The following TRIM26 variants were observed in gnomAD, a reference collection of about 807,000 sequenced individuals.
The protein encoded by TRIM26 is tripartite motif containing 26.
In TRIM26, 16 loss-of-function variants were observed where a neutral mutation model predicts 45.5. The ratio of observed to expected loss-of-function variants is 0.35; its 90% CI spans 0.24 to 0.53. The LOEUF (loss-of-function observed/expected upper bound fraction) is 0.53. Ranked by LOEUF, TRIM26 falls within the 20% of genes least tolerant of loss-of-function variation. TRIM26 has a pLI of 0.92. For missense variants in TRIM26, 442 were observed against 691.1 expected, an observed-to-expected ratio of 0.64 and a Z score of 4.04; for synonymous variants, 273 against 290.4, an observed-to-expected ratio of 0.94 and a Z score of 0.61.
chr6:30,195,650 T>C (rs2127501629), intron 6 of TRIM26, among the ~76,000 whole-genome samples: 1 of 152,234 alleles, frequency 6.6e-6, no homozygotes, highest in Middle Eastern at 3.4e-3. Context: ...TTGCTATCTC[T>C]CCCTCCTAGC....
intron 3 of TRIM26, among the ~76,000 whole-genome samples, chr6:30,200,028 TG>T (rs952576315): frequency 2.0e-4 from 31 of 152,238 alleles, no homozygotes; most frequent in African/African-American, 7.2e-4. Flanking sequence ...TCCAACACTT[TG>T]GGTGGCTGAG....
At position 30,193,963 on chromosome 6, in the gene TRIM26, G is replaced by A. The variant is rs376264032; in HGVS notation, c.765+2553C>T. 3.0e-4 allele frequency among the ~76,000 whole-genome samples: 45 copies of A among 152,146 alleles called. 5 individuals carry two copies. The highest frequency in any genetic ancestry group is 2.5e-3 in the East Asian group (13 of 5,186). On this transcript the variant is annotated intron_variant, in intron 6 of 9. Transcript: ENST00000454678. Reference sequence around the variant, plus strand: ...ACTGAATTTGTTTATTAGTTCTAAGGGTTTTTTGGTGGGGCCTTTAGGTTT... The same window carrying A: ...ACTGAATTTGTTTATTAGTTCTAAGAGTTTTTTGGTGGGGCCTTTAGGTTT...
intron 9 of TRIM26, chr6:30,187,135 C>T (rs1775275426): frequency 1.0e-5 from 3 of 287,518 alleles, no homozygotes; most frequent in Non-Finnish European, 2.1e-5. Context: ...GGACTCTACC[C>T]CAATTACTGC....
chr6:30,196,508 C>T lies in TRIM26; in HGVS notation c.765+8G>A, dbSNP rs766210795. On this transcript the variant is annotated splice_region_variant and intron_variant, in intron 6 of 9. Coordinates refer to ENST00000454678, the MANE Select transcript of TRIM26 (RefSeq NM_003449.5). This position sits in a 1 kb window ranked among gnomAD's most constrained non-coding sequence, Gnocchi z 4.9. ...TCCCTGGCGCCCTGCCCAGGGACGGCCTCTCACCTGCATGAGCTCTGCAGC... is the reference window on the plus strand; with the variant it reads ...TCCCTGGCGCCCTGCCCAGGGACGGTCTCTCACCTGCATGAGCTCTGCAGC... The T allele has an allele frequency of 1.2e-6, 2 of 1,604,730 alleles. No homozygotes were observed. The highest frequency in any genetic ancestry group is 8.5e-7 in the Non-Finnish European group (1 of 1,179,438).
chr6:30,188,350 A>G, intron 9 of TRIM26: 1 of 474,668 alleles, frequency 2.1e-6, no homozygotes, highest in Non-Finnish European at 3.8e-6. Context: ...TTCAGTTTCA[A>G]AACTACCAGC....
intron 6 of TRIM26, among the ~76,000 whole-genome samples, chr6:30,193,475 T>C (rs1776161545): frequency 6.6e-6 from 1 of 151,956 alleles, no homozygotes; most frequent in South Asian, 2.1e-4. Flanking sequence ...CCACCACAAC[T>C]GGCTGTAGTA....
Position 30,186,594 on chromosome 6 carries a change from A to G in TRIM26, c.938-36T>C. ...AAGGGAAAAAAAAAAAAACAGCATC[A>G]CTGTTTTGTTTTGTTTTTTAAGTCA... On this transcript the variant is annotated intron_variant, in intron 9 of 9. Transcript: ENST00000454678. The surrounding 1 kb of genome is among the most constrained non-coding windows in gnomAD (Gnocchi z 7.4). The G allele has an allele frequency of 6.7e-7, 1 of 1,490,350 alleles. No homozygotes were observed. The highest frequency in any genetic ancestry group is 1.4e-5 in the South Asian group (1 of 69,786). The allele number at this position is 1,490,350 out of a possible 1,614,324, so 92.3% of individuals were successfully genotyped here. A position where few individuals can be genotyped will look rare whatever the true frequency, so the allele number is the denominator to read the frequency against.
At chr6:30,212,683 T>C (rs971157068) in intron 1 of TRIM26, among the ~76,000 whole-genome samples, 2 of 152,108 alleles carry the variant, frequency 1.3e-5, no homozygotes, top group Non-Finnish European at 2.9e-5. Flanking sequence ...GGTTAAGGCA[T>C]GCATAAACGA....
intron 1 of TRIM26, among the ~76,000 whole-genome samples, chr6:30,211,116 C>T (rs570080501): frequency 6.6e-6 from 1 of 152,232 alleles, no homozygotes; most frequent in Non-Finnish European, 1.5e-5. Flanking sequence ...CCTCTAATTC[C>T]AGAGCCCTGC....
chr6:30,185,611 A>G lies in TRIM26; in HGVS notation c.*265T>C. 1 of 522,102 alleles carries G rather than the reference A, an allele frequency of 1.9e-6. No homozygotes were observed. Among genetic ancestry groups the G allele is most frequent in the East Asian group, 3.1e-5 (1 of 32,172 alleles). The allele number at this position is 522,102 out of a possible 1,614,324, so 32.3% of individuals were successfully genotyped here. ...GGGGCCAAGGTCGTGGTCAAAAAGG[A>G]AAGGAGCCCTCATGGACTCCAGGGT... On this transcript the variant is annotated 3_prime_UTR_variant, in exon 10 of 10. Transcript: ENST00000454678. This position sits in a 1 kb window ranked among gnomAD's most constrained non-coding sequence, Gnocchi z 5.7.
intron 1 of TRIM26, 41 bp from the exon 2 acceptor site, chr6:30,204,806 A>C (rs1354266323): frequency 1.3e-5 from 2 of 148,970 alleles, no homozygotes; most frequent in Non-Finnish European, 3.0e-5. Flanking sequence ...AAAAAAAAAA[A>C]CCTCAGAGAT....
Position 30,196,145 on chromosome 6 carries a change from A to G in TRIM26, c.765+371T>C, listed in dbSNP as rs377207865. 5.9e-5 allele frequency among the ~76,000 whole-genome samples: 9 copies of G among 152,154 alleles called. No individual in the cohort carries two copies. In the East Asian group the frequency reaches 7.7e-4, roughly 13 times the overall value. ...AGCCCTCCCTCAGCCACCCCCAACC[A>G]CAACACCATAAAAAGCTTCCACCAG... is the stretch of plus-strand genomic sequence containing the variant. On this transcript the variant is annotated intron_variant, in intron 6 of 9. Coordinates refer to ENST00000454678, the MANE Select transcript of TRIM26 (RefSeq NM_003449.5). The surrounding 1 kb of genome is among the most constrained non-coding windows in gnomAD (Gnocchi z 4.9).
Position 30,185,624 on chromosome 6 carries a change from T to TGGACTCCA in TRIM26, c.*244_*251dup. Reference sequence around the variant, plus strand: ...TGGTCAAAAAGGAAAGGAGCCCTCATGGACTCCAGGGTCAGAAGTTCCCTC... The same window carrying TGGACTCCA: ...TGGTCAAAAAGGAAAGGAGCCCTCATGGACTCCAGGACTCCAGGGTCAGAAGTTCCCTC... On this transcript the variant is annotated 3_prime_UTR_variant, in exon 10 of 10. Coordinates refer to ENST00000454678, the MANE Select transcript of TRIM26 (RefSeq NM_003449.5). The surrounding 1 kb of genome is among the most constrained non-coding windows in gnomAD (Gnocchi z 5.7). 1.8e-6 allele frequency: 1 copy of TGGACTCCA among 545,776 alleles called. No homozygotes were observed. 33.8% of individuals were successfully genotyped at this position (545,776 alleles called of 1,614,324 possible).
At chr6:30,199,900 T>G (rs1338692763) in intron 3 of TRIM26, among the ~76,000 whole-genome samples, 1 of 152,106 alleles carries the variant, frequency 6.6e-6, no homozygotes, top group Non-Finnish European at 1.5e-5. Flanking sequence ...CCTCCCAAAG[T>G]GCTGGGATTA....
At position 30,185,806 on chromosome 6, in the gene TRIM26, C is replaced by G. The variant is rs1439652580; in HGVS notation, c.*70G>C. On this transcript the variant is annotated 3_prime_UTR_variant, in exon 10 of 10. Transcript: ENST00000454678. The surrounding 1 kb of genome is among the most constrained non-coding windows in gnomAD (Gnocchi z 5.7). ...TGCTTAGGCCAGGCATCCCGTCCCC[C>G]CATTGAGAGTCCTGGAATTCCAAAG... The G allele has an allele frequency of 4.8e-5, 73 of 1,525,612 alleles. No individual in the cohort carries two copies. The highest frequency in any genetic ancestry group is 6.1e-5 in the Non-Finnish European group (69 of 1,129,102). The allele number at this position is 1,525,612 out of a possible 1,614,324, so 94.5% of individuals were successfully genotyped here.
At chr6:30,192,054 G>A (rs1447030125) in intron 6 of TRIM26, among the ~76,000 whole-genome samples, 1 of 152,326 alleles carries the variant, frequency 6.6e-6, no homozygotes. Context: ...TGGGTCCCGA[G>A]AGCCAGGGCA....
At chr6:30,202,178 C>T (rs1210047174) in intron 2 of TRIM26, among the ~76,000 whole-genome samples, 1 of 152,114 alleles carries the variant, frequency 6.6e-6, no homozygotes, top group Admixed American at 6.5e-5. Context: ...GCTCTTCTTC[C>T]ATGCAAAACA....
intron 1 of TRIM26, among the ~76,000 whole-genome samples, chr6:30,212,295 C>T (rs747311956): frequency 6.6e-5 from 10 of 152,152 alleles, no homozygotes; most frequent in Admixed American, 2.0e-4. Flanking sequence ...CATAAGGAGA[C>T]ATGACAACTA....
Position 30,189,706 on chromosome 6 carries a change from C to T in TRIM26, c.789-173G>A. The T allele has an allele frequency of 1.1e-5, 7 of 649,258 alleles. No individual in the cohort carries two copies. The South Asian group carries it at 1.3e-4, about 12-fold the overall frequency. 40.2% of individuals were successfully genotyped at this position (649,258 alleles called of 1,614,324 possible). A position where few individuals can be genotyped will look rare whatever the true frequency, so the allele number is the denominator to read the frequency against. ...CACCAGCTGAACCAGGGCTTCAGAA[C>T]ATCAGTAGACTCCACATCCAGGGCG... On this transcript the variant is annotated intron_variant, in intron 7 of 9. Coordinates refer to ENST00000454678, the MANE Select transcript of TRIM26 (RefSeq NM_003449.5). This position sits in a 1 kb window ranked among gnomAD's most constrained non-coding sequence, Gnocchi z 5.0.
Sources: gnomAD v4.1 joint callset for allele counts (sites outside exome capture counted in the v4.1 genomes callset) on GRCh38, gnomAD v4.1.1 for gene constraint, Gnocchi (gnomAD v3.1) non-coding constraint, MANE v1.5 for transcripts, NCBI Gene and HGNC (gene_info 2026-07-23, HGNC 2026-07-21) for gene names.